Variants in PDS5A observed in about 807,000 individuals in gnomAD.
PDS5A encodes the protein sister chromatid cohesion protein PDS5 homolog A.
A neutral mutation model predicts 167.1 loss-of-function variants in PDS5A; 42 were observed. The ratio of observed to expected loss-of-function variants is 0.25; its 90% CI spans 0.20 to 0.33. The LOEUF (loss-of-function observed/expected upper bound fraction) is 0.33. Among genes scored for constraint, PDS5A ranks in the 10% least tolerant of loss-of-function variants. PDS5A has a pLI of 1.00. For missense variants in PDS5A, 1,033 were observed against 1,605.9 expected (o/e 0.64, Z 6.10); for synonymous variants, 553 against 554.6 (o/e 1.00, Z 0.04).
At chr4:39,966,904 C>CAAG in intron 2 of PDS5A, among the ~76,000 whole-genome samples, 1 of 151,380 alleles carries the variant, frequency 6.6e-6, no homozygotes. Flanking sequence ...GAGGCTGAGG[C>CAAG]AGAATTGCTT....
chr4:39,849,455 A>AAAACCAATTGGG, intron 27 of PDS5A, 65 bp downstream of exon 27: 1 of 1,162,924 alleles, frequency 8.6e-7, no homozygotes, highest in South Asian at 1.7e-5. Context: ...AAAAAAAAAA[A>AAAACCAATTGGG]ACCAAGTGGG....
At chr4:39,960,488 A>T (rs1384331743) in intron 2 of PDS5A, among the ~76,000 whole-genome samples, 1 of 152,114 alleles carries the variant, frequency 6.6e-6, no homozygotes, top group African/African-American at 2.4e-5. Context: ...AAGGGAAAGA[A>T]ATTTAGAAAA....
At chr4:39,911,745 T>G (rs1723908263) in intron 9 of PDS5A, among the ~76,000 whole-genome samples, 1 of 148,448 alleles carries the variant, frequency 6.7e-6, no homozygotes. Context: ...GGCAGGAGAA[T>G]GGCATGAACC....
chr4:39,963,107 T>A (rs1729648407), intron 2 of PDS5A, among the ~76,000 whole-genome samples: 1 of 151,470 alleles, frequency 6.6e-6, no homozygotes, highest in African/African-American at 2.4e-5. Flanking sequence ...TCACTGGAAG[T>A]CAGGAGTTCA....
chr4:39,870,262 AGAT>A (rs1238296835), intron 21 of PDS5A, among the ~76,000 whole-genome samples: 1 of 152,232 alleles, frequency 6.6e-6, no homozygotes, highest in Non-Finnish European at 1.5e-5. Flanking sequence ...AACTCTGAAA[AGAT>A]GACATAGGAA....
intron 2 of PDS5A, among the ~76,000 whole-genome samples, chr4:39,958,317 G>C (rs1729155620): frequency 6.6e-6 from 1 of 151,814 alleles, no homozygotes; most frequent in Non-Finnish European, 1.5e-5. Flanking sequence ...GGTCAGCCTG[G>C]CCAACATGGT....
At chr4:39,863,614 A>C (rs568160936) in intron 23 of PDS5A, among the ~76,000 whole-genome samples, 155 bp from the exon 24 acceptor site, 2 of 152,188 alleles carry the variant, frequency 1.3e-5, no homozygotes, top group Non-Finnish European at 2.9e-5. Flanking sequence ...CATGAACTTA[A>C]CACAGGGGAT....
chr4:39,948,692 T>G (rs1289500991), intron 2 of PDS5A, among the ~76,000 whole-genome samples: 2 of 148,122 alleles, frequency 1.4e-5, no homozygotes, highest in Non-Finnish European at 3.0e-5. Context: ...TGGTGCCATC[T>G]CAGCTCACTG....
chr4:39,857,017 G>A lies in PDS5A; in HGVS notation c.3086+5202C>T, dbSNP rs188963435. 1.2e-4 allele frequency among the ~76,000 whole-genome samples: 18 copies of A among 152,168 alleles called. No homozygotes were observed. In the East Asian group the frequency reaches 3.5e-3, roughly 29 times the overall value. ...AATTTGCTACTATTCAAACTAGGTT[G>A]TTAGAAGTTTGAGATGTCAGCTGTG... On this transcript the variant is annotated intron_variant, in intron 26 of 32. Transcript: ENST00000303538.
At chr4:39,888,933 A>G (rs1424512487) in intron 17 of PDS5A, among the ~76,000 whole-genome samples, 4 of 152,228 alleles carry the variant, frequency 2.6e-5, no homozygotes, top group Non-Finnish European at 5.9e-5. Flanking sequence ...AAGGTGATGT[A>G]TATCACCAAT....
intron 16 of PDS5A, among the ~76,000 whole-genome samples, chr4:39,896,001 G>A (rs1323476178): frequency 1.3e-5 from 2 of 150,842 alleles, no homozygotes; most frequent in African/African-American, 4.9e-5. Context: ...TGGGATTACA[G>A]GTGTGAGCCA....
chr4:39,867,107 T>G, intron 22 of PDS5A, 110 bp from the exon 23 acceptor site: 1 of 830,462 alleles, frequency 1.2e-6, no homozygotes. Flanking sequence ...GCAGACATTT[T>G]ATTAAATAAG....
chr4:39,899,573 G>A (rs1341627531), intron 14 of PDS5A, among the ~76,000 whole-genome samples: 2 of 152,108 alleles, frequency 1.3e-5, no homozygotes, highest in African/African-American at 4.8e-5. Flanking sequence ...TAGGCTAGGT[G>A]CAGTATCTCA....
intron 32 of PDS5A, among the ~76,000 whole-genome samples, chr4:39,827,886 G>A (rs1399931143): frequency 2.0e-5 from 3 of 152,156 alleles, no homozygotes. Context: ...TTGGCCTTAA[G>A]TGTAAGCAAA....
chr4:39,848,573 C>A, intron 28 of PDS5A: 1 of 345,012 alleles, frequency 2.9e-6, no homozygotes. Flanking sequence ...AAAATACTAC[C>A]CATGTTTCAA....
At chr4:39,958,558 C>T (rs1252450715) in intron 2 of PDS5A, among the ~76,000 whole-genome samples, 1 of 149,342 alleles carries the variant, frequency 6.7e-6, no homozygotes, top group African/African-American at 2.4e-5. Context: ...CCTTACCTAA[C>T]CCTAACTTGC....
chr4:39,960,163 G>A (rs1189753884), intron 2 of PDS5A, among the ~76,000 whole-genome samples: 1 of 152,106 alleles, frequency 6.6e-6, no homozygotes, highest in East Asian at 1.9e-4. Flanking sequence ...CCAACTACTC[G>A]GGAGGCTAAG....
At chr4:39,862,826 T>C (rs201737768) in intron 25 of PDS5A, 43 bp downstream of exon 25, 94 of 1,281,374 alleles carry the variant, frequency 7.3e-5, no homozygotes, top group East Asian at 5.3e-4. Context: ...AATGGATACA[T>C]TGACAAAATA....
At chr4:39,850,156 C>T (rs990044174) in intron 26 of PDS5A, among the ~76,000 whole-genome samples, 4 of 151,694 alleles carry the variant, frequency 2.6e-5, no homozygotes, top group Admixed American at 6.6e-5. Context: ...CCTGTAGTCC[C>T]GGCTACTCGG....
Sources: allele counts gnomAD v4.1 joint callset (sites outside exome capture counted in the v4.1 genomes callset), GRCh38; gene constraint gnomAD v4.1.1; transcripts MANE v1.5; gene names NCBI Gene and HGNC (gene_info 2026-07-23, HGNC 2026-07-21).